Variants in AVIL observed in about 807,000 individuals in gnomAD.
AVIL encodes advillin.
In AVIL, 78 loss-of-function variants were observed where a neutral mutation model predicts 109.9. The observed-to-expected ratio is 0.71, with a 90% CI of 0.59 to 0.86. The LOEUF is 0.86. Among genes scored for constraint, AVIL ranks in the 40% least tolerant of loss-of-function variants. AVIL has a pLI of 0.00. For synonymous variants in AVIL, 367 were observed against 379.1 expected (o/e 0.97, Z 0.37); for missense variants, 892 against 1,016.5 (o/e 0.88, Z 1.67).
chr12:57,801,397 G>A (rs148470287), intron 17 of AVIL, 185 bp from the exon 18 acceptor site: 4 of 489,428 alleles, frequency 8.2e-6, no homozygotes, highest in East Asian at 3.7e-5. Flanking sequence ...TAAACATAAC[G>A]CACATTCTTT....
At chr12:57,802,424 A>G (rs1595158662) in intron 16 of AVIL, 76 bp from the exon 17 acceptor site, 5 of 1,479,520 alleles carry the variant, frequency 3.4e-6, no homozygotes, top group Non-Finnish European at 4.6e-6. Context: ...ACATTACCCT[A>G]TCTTTCCCCT....
At chr12:57,816,204 T>C (rs2140462915) in intron 1 of AVIL, 145 bp from the exon 2 acceptor site, 1 of 653,100 alleles carries the variant, frequency 1.5e-6, no homozygotes, top group Non-Finnish European at 2.5e-6. Context: ...TTCACAATGA[T>C]GGGGGCAAGG....
At position 57,801,368 on chromosome 12, in the gene AVIL, T is replaced by C. The variant is rs996950127; in HGVS notation, c.2152-156A>G. On this transcript the variant is annotated intron_variant, in intron 17 of 19. Coordinates refer to ENST00000549994, the MANE Select transcript of AVIL (RefSeq NM_006576.4). Reference sequence around the variant, plus strand: ...ATGAAAATCCCCCCTTTTGGGTCCATGCAGGCTTGAAAGGTGCTTAAACAT... The same window carrying C: ...ATGAAAATCCCCCCTTTTGGGTCCACGCAGGCTTGAAAGGTGCTTAAACAT... The C allele has an allele frequency of 1.3e-3, 783 of 581,064 alleles. 9 individuals are homozygous for C. Among genetic ancestry groups the C allele is most frequent in the Non-Finnish European group, 1.5e-4 (48 of 329,786 alleles). 36.0% of individuals were successfully genotyped at this position (581,064 alleles called of 1,614,324 possible). A position where few individuals can be genotyped will look rare whatever the true frequency, so the allele number is the denominator to read the frequency against.
At chr12:57,814,291 TCTC>T in intron 2 of AVIL, 65 bp from the exon 3 acceptor site, 1 of 1,481,238 alleles carries the variant, frequency 6.8e-7, no homozygotes, top group Non-Finnish European at 9.2e-7. Context: ...TGAGCCTCCC[TCTC>T]CTCTCTGTCA....
chr12:57,810,310 A>G (rs1402465306), intron 7 of AVIL, 39 bp downstream of exon 7: 1 of 1,558,464 alleles, frequency 6.4e-7, no homozygotes, highest in South Asian at 1.1e-5. Flanking sequence ...CCTTCCCCCC[A>G]ACCCCAGCTT....
intron 3 of AVIL, among the ~76,000 whole-genome samples, 167 bp downstream of exon 3, chr12:57,813,985 T>C (rs1956070436): frequency 2.0e-5 from 3 of 152,132 alleles, no homozygotes; most frequent in Non-Finnish European, 4.4e-5. Context: ...CCAGGCTTAA[T>C]GATGGCCTTT....
chr12:57,817,255 CTG>C (rs1453269714), intron 1 of AVIL, among the ~76,000 whole-genome samples: 4 of 151,750 alleles, frequency 2.6e-5, no homozygotes, highest in Admixed American at 1.3e-4. Context: ...CCAGAAAGGA[CTG>C]TATGCATTTT....
intron 14 of AVIL, among the ~76,000 whole-genome samples, chr12:57,804,763 C>T (rs185075364): frequency 0.015 from 2,205 of 151,362 alleles, 62 homozygotes; most frequent in African/African-American, 0.051. Context: ...GAGCCAAGAT[C>T]GCGCCACTGC....
chr12:57,815,811 CCAGGAGAGGTG>C lies in AVIL; in HGVS notation c.66+153_66+163del, dbSNP rs1306095777. 3 of 1,505,190 alleles carry C rather than the reference CCAGGAGAGGTG, an allele frequency of 2.0e-6. No homozygotes were observed. The African/African-American group carries it at 4.1e-5, about 21-fold the overall frequency. The allele number at this position is 1,505,190 out of a possible 1,614,324, so 93.2% of individuals were successfully genotyped here. A position where few individuals can be genotyped will look rare whatever the true frequency, so the allele number is the denominator to read the frequency against. On this transcript the variant is annotated intron_variant, in intron 2 of 19. Coordinates refer to ENST00000549994, the MANE Select transcript of AVIL (RefSeq NM_006576.4). Reference sequence around the variant, plus strand: ...CCTGCCAACCACCTGCTTTGAGCACCCAGGAGAGGTGAAGGATGGGAAATAGGTACTTTGAT... The same window carrying C: ...CCTGCCAACCACCTGCTTTGAGCACCAAGGATGGGAAATAGGTACTTTGAT...
intron 13 of AVIL, 40 bp from the exon 14 acceptor site, chr12:57,806,579 C>G (rs776512313): frequency 6.2e-7 from 1 of 1,602,822 alleles, no homozygotes. Flanking sequence ...TAAGGAGCAC[C>G]ATGTGAGCAG....
chr12:57,807,388 C>T lies in AVIL; in HGVS notation c.1434G>A (p.Met478Ile). The T allele has an allele frequency of 6.2e-7, 1 of 1,614,238 alleles. No individual in the cohort carries two copies. Among genetic ancestry groups the T allele is most frequent in the Admixed American group, 1.7e-5 (1 of 60,030 alleles). ...CCATGAAGTGGCGTGGCTCCGTTCCCATCCTGACTCGAACCTGCACAGCAG... is the reference window on the plus strand; with the variant it reads ...CCATGAAGTGGCGTGGCTCCGTTCCTATCCTGACTCGAACCTGCACAGCAG... Reference protein sequence around the residue: ...DGAAVQVRVRMGTEPRHFMAI... With the variant: ...DGAAVQVRVRIGTEPRHFMAI... Residue 478 changes from methionine (M) to isoleucine (I), a missense_variant, in exon 13 of 20, where the codon ATG becomes ATA. By Grantham distance (10) the Met-to-Ile change is conservative. Coordinates refer to ENST00000549994, the MANE Select transcript of AVIL (RefSeq NM_006576.4).
At chr12:57,807,295 C>T (rs895792781) in intron 13 of AVIL, 36 bp downstream of exon 13, 1 of 1,613,700 alleles carries the variant, frequency 6.2e-7, no homozygotes, top group African/African-American at 1.3e-5. Flanking sequence ...TTGGAACGTT[C>T]CAGCTCATGG....
At chr12:57,814,022 C>G in intron 3 of AVIL, 130 bp downstream of exon 3, 2 of 948,358 alleles carry the variant, frequency 2.1e-6, no homozygotes, top group South Asian at 3.1e-5. Context: ...GTCTGCTCTG[C>G]ATAGCACTGA....
intron 1 of AVIL, chr12:57,816,279 C>T: frequency 2.1e-6 from 1 of 486,204 alleles, no homozygotes; most frequent in Non-Finnish European, 3.6e-6. Flanking sequence ...GTTCTGCTTC[C>T]CACCTGCCAT....
intron 1 of AVIL, chr12:57,816,611 T>C (rs1176754400): frequency 1.3e-5 from 2 of 151,848 alleles, no homozygotes; most frequent in African/African-American, 2.4e-5. Context: ...CTCAGTTGCC[T>C]TCTCTCACTC....
rs760997094 is a variant in AVIL, at chr12:57,807,398, C to G, written c.1424G>C (p.Arg475Pro). Residue 475 changes from arginine (R) to proline (P), a missense_variant, in exon 13 of 20, where the codon CGA becomes CCA. Physicochemically the swap from Arg to Pro is moderately radical, Grantham distance 103. Coordinates refer to ENST00000549994, the MANE Select transcript of AVIL (RefSeq NM_006576.4). ...RQFDGAAVQVRVRMGTEPRHF... is the reference protein window; with the variant it reads ...RQFDGAAVQVPVRMGTEPRHF... Reference sequence around the variant, plus strand: ...GCGTGGCTCCGTTCCCATCCTGACTCGAACCTGCACAGCAGCCCCATCAAA... The same window carrying G: ...GCGTGGCTCCGTTCCCATCCTGACTGGAACCTGCACAGCAGCCCCATCAAA... 1.9e-6 allele frequency: 3 copies of G among 1,614,230 alleles called. No individual in the cohort carries two copies. Among genetic ancestry groups the G allele is most frequent in the South Asian group, 2.2e-5 (2 of 91,086 alleles).
Position 57,808,519 on chromosome 12 carries a change from G to T in AVIL, c.969C>A (p.Ser323Arg), listed in dbSNP as rs1308584540. ...CGTTGACGGTCTCCACATTGGTGCT[G>T]CTGGGGTAGCTCTTCATCTTGATGA... is the stretch of plus-strand genomic sequence containing the variant. ...LGFIKMKSYP[S>R]STNVETVNDG... Residue 323 changes from serine to arginine, a missense_variant, in exon 10 of 20, where the codon AGC becomes AGA. Coordinates refer to ENST00000549994, the MANE Select transcript of AVIL (RefSeq NM_006576.4). 1.9e-6 allele frequency: 3 copies of T among 1,614,148 alleles called. No homozygotes were observed. In the South Asian group the frequency reaches 3.3e-5, roughly 18 times the overall value.
At chr12:57,802,665 G>A (rs1386096796) in intron 16 of AVIL, 2 of 644,014 alleles carry the variant, frequency 3.1e-6, no homozygotes, top group Non-Finnish European at 5.6e-6. Flanking sequence ...ACACCTTCAG[G>A]ATGTAGCTCT....
intron 1 of AVIL, among the ~76,000 whole-genome samples, chr12:57,816,879 G>T (rs916549333): frequency 4.6e-5 from 7 of 151,938 alleles, no homozygotes; most frequent in African/African-American, 1.7e-4. Context: ...TCTGGCCTGC[G>T]GACAGATGGC....
Sources: gnomAD v4.1 joint callset for allele counts (sites outside exome capture counted in the v4.1 genomes callset) on GRCh38, gnomAD v4.1.1 for gene constraint, MANE v1.5 for transcripts, NCBI Gene and HGNC (gene_info 2026-07-23, HGNC 2026-07-21) for gene names.